SRL: variants seen among roughly 807,000 people sequenced by gnomAD.
SRL encodes the protein sarcalumenin.
A neutral mutation model predicts 39.5 loss-of-function variants in SRL; 23 were observed. The ratio of observed to expected loss-of-function variants is 0.58; its 90% CI spans 0.42 to 0.82. SRL has a LOEUF of 0.82. SRL is among the 40% of genes least tolerant of loss of function. The pLI is 0.00. For missense variants in SRL, 592 were observed against 607.8 expected, an observed-to-expected ratio of 0.97 and a Z score of 0.27; for synonymous variants, 272 against 237.4, an observed-to-expected ratio of 1.15 and a Z score of -1.34.
chr16:4,240,531 G>A (rs141154680), intron 1 of SRL, among the ~76,000 whole-genome samples: 1 of 152,270 alleles, frequency 6.6e-6, no homozygotes, highest in African/African-American at 2.4e-5. Context: ...AGGGGCAGAC[G>A]CACGCTGTGG....
intron 1 of SRL, among the ~76,000 whole-genome samples, chr16:4,229,610 T>C (rs1471957988): frequency 1.3e-5 from 2 of 151,876 alleles, no homozygotes; most frequent in African/African-American, 4.8e-5. Context: ...AGGGGAACAA[T>C]AGACACTGTG....
rs2052250733 is a variant in SRL at position 4,202,570 on chromosome 16, G to A, written c.259+596C>T. On this transcript the variant is annotated intron_variant, in intron 3 of 5. Transcript: ENST00000399609. ...ATTGCGCCACTGCACTCCAGTATGA[G>A]TGACAGAGCGAGACTCCATCTCAAA... Among the ~76,000 whole-genome samples the A allele has an allele frequency of 2.0e-5, 3 of 150,376 alleles. No individual in the cohort carries two copies. In the South Asian group the frequency reaches 6.2e-4, roughly 31 times the overall value.
At chr16:4,199,352 C>T (rs996634396) in intron 3 of SRL, among the ~76,000 whole-genome samples, 1 of 141,396 alleles carries the variant, frequency 7.1e-6, no homozygotes, top group East Asian at 2.1e-4. Context: ...TTGTAGCTAA[C>T]ATATTCCCCA....
At chr16:4,199,825 C>T (rs1214329820) in intron 3 of SRL, among the ~76,000 whole-genome samples, 14 of 150,276 alleles carry the variant, frequency 9.3e-5, no homozygotes, top group African/African-American at 3.4e-4. Flanking sequence ...GCCTCCCAAG[C>T]AGCTGGGACT....
Position 4,204,514 on chromosome 16 carries a change from A to G in SRL, c.163+19T>C, listed in dbSNP as rs2052290230. ...GCCGGGCTCTCCCAGCCCTGGGCAT[A>G]TCTCCCTCCCCTGGTTACCAGAGTA... On this transcript the variant is annotated intron_variant, in intron 2 of 5. Transcript: ENST00000399609. 1 of 1,523,358 alleles carries G rather than the reference A, an allele frequency of 6.6e-7. No individual in the cohort carries two copies. The highest frequency in any genetic ancestry group is 2.5e-5 in the East Asian group (1 of 39,460). 94.4% of individuals were successfully genotyped at this position (1,523,358 alleles called of 1,614,324 possible).
At chr16:4,204,697 C>A in intron 1 of SRL, 63 bp from the exon 2 acceptor site, 1 of 1,479,948 alleles carries the variant, frequency 6.8e-7, no homozygotes, top group South Asian at 1.1e-5. Flanking sequence ...CTCTGGGCCC[C>A]GGCACAGCAG....
rs1020107810 is a variant in SRL, at chr16:4,191,091, A to G, written c.*1062T>C. ...TCTGAGCCCTTCCACGACCTTCACT[A>G]CAGTCACTTCCAAGAGTAAATTACC... On this transcript the variant is annotated 3_prime_UTR_variant, in exon 6 of 6. Coordinates refer to ENST00000399609, the MANE Select transcript of SRL (RefSeq NM_001098814.2). 1 of 152,248 alleles carries G rather than the reference A, an allele frequency of 6.6e-6. No homozygotes were observed. The highest frequency in any genetic ancestry group is 1.5e-5 in the Non-Finnish European group (1 of 68,086). 9.4% of individuals were successfully genotyped at this position (152,248 alleles called of 1,614,324 possible). A position where few individuals can be genotyped will look rare whatever the true frequency, so the allele number is the denominator to read the frequency against.
intron 1 of SRL, among the ~76,000 whole-genome samples, chr16:4,230,052 G>A (rs906485818): frequency 4.0e-5 from 6 of 151,888 alleles, no homozygotes; most frequent in Non-Finnish European, 7.4e-5. Context: ...CTCACCCTGC[G>A]TCAGAGACAC....
At chr16:4,241,381 TGGAA>T (rs2052770390) in intron 1 of SRL, among the ~76,000 whole-genome samples, 1 of 152,200 alleles carries the variant, frequency 6.6e-6, no homozygotes, top group African/African-American at 2.4e-5. Flanking sequence ...CCTTTTCTGA[TGGAA>T]GCCCCCACCC....
intron 1 of SRL, among the ~76,000 whole-genome samples, chr16:4,219,109 C>T (rs1017600481): frequency 1.4e-5 from 2 of 146,216 alleles, no homozygotes; most frequent in African/African-American, 5.6e-5. Context: ...AAGTAACTAG[C>T]CCAACTCTTT....
At chr16:4,194,921 G>T (rs2052115791) in intron 5 of SRL, among the ~76,000 whole-genome samples, 1 of 151,662 alleles carries the variant, frequency 6.6e-6, no homozygotes, top group East Asian at 1.9e-4. Flanking sequence ...CTGAGACAGA[G>T]TCTTGCTGTG....
intron 1 of SRL, among the ~76,000 whole-genome samples, chr16:4,225,383 G>C (rs949324416): frequency 6.6e-5 from 10 of 152,106 alleles, no homozygotes; most frequent in Non-Finnish European, 1.5e-4. Context: ...AGGAGTTCAA[G>C]ATCAGCCTGG....
At chr16:4,236,784 C>T (rs907374403) in intron 1 of SRL, among the ~76,000 whole-genome samples, 1 of 152,082 alleles carries the variant, frequency 6.6e-6, no homozygotes, top group Non-Finnish European at 1.5e-5. Flanking sequence ...GCTGGGATTA[C>T]AGGCGCATGC....
chr16:4,192,762 G>T lies in SRL; in HGVS notation c.813C>A (p.Ala271=). The T allele has an allele frequency of 6.2e-6, 10 of 1,614,154 alleles. No individual in the cohort carries two copies. The highest frequency in any genetic ancestry group is 8.5e-6 in the Non-Finnish European group (10 of 1,180,036). Residue 271 remains alanine, a synonymous_variant, in exon 6 of 6, where the codon GCC becomes GCA. Transcript: ENST00000399609. This position sits in a 1 kb window ranked among gnomAD's most constrained non-coding sequence, Gnocchi z 4.0. ...ATQMLMRVYG[A]LFWSLAPLIN... is the part of the protein sequence containing the mutation. ...TGAGAGGGGCCAAGCTCCAGAAGAG[G>T]GCCCCGTAAACCCGCATGAGCATTT...
intron 1 of SRL, among the ~76,000 whole-genome samples, chr16:4,233,524 T>G (rs541033411): frequency 6.6e-6 from 1 of 152,292 alleles, no homozygotes; most frequent in Admixed American, 6.5e-5. Flanking sequence ...CCCAACCATC[T>G]TCTGAACTTC....
At chr16:4,221,830 G>A (rs1486499047) in intron 1 of SRL, among the ~76,000 whole-genome samples, 1 of 152,132 alleles carries the variant, frequency 6.6e-6, no homozygotes, top group Non-Finnish European at 1.5e-5. Flanking sequence ...TCTGGTGTTT[G>A]CCAGCAACTC....
At chr16:4,241,227 C>A (rs955588631) in intron 1 of SRL, among the ~76,000 whole-genome samples, 4 of 152,134 alleles carry the variant, frequency 2.6e-5, no homozygotes, top group African/African-American at 7.2e-5. Context: ...GCCTCAGGAA[C>A]CTTAGGAACA....
chr16:4,203,869 G>A (rs762572038), intron 2 of SRL, among the ~76,000 whole-genome samples: 9 of 152,362 alleles, frequency 5.9e-5, no homozygotes, highest in Non-Finnish European at 1.3e-4. Context: ...GCACCCAGCA[G>A]GCGCGCAGAA....
chr16:4,203,870 G>T (rs1474247302), intron 2 of SRL, among the ~76,000 whole-genome samples: 3 of 152,242 alleles, frequency 2.0e-5, no homozygotes, highest in African/African-American at 7.2e-5. Flanking sequence ...CACCCAGCAG[G>T]CGCGCAGAAC....
Sources: gnomAD v4.1 joint callset for allele counts (sites outside exome capture counted in the v4.1 genomes callset) on GRCh38, gnomAD v4.1.1 for gene constraint, Gnocchi (gnomAD v3.1) non-coding constraint, MANE v1.5 for transcripts, NCBI Gene and HGNC (gene_info 2026-07-23, HGNC 2026-07-21) for gene names.